The following TMC6 variants were observed in gnomAD, a reference collection of about 807,000 sequenced individuals.
TMC6 encodes the protein transmembrane channel-like protein 6.
In TMC6, 71 loss-of-function variants were observed where a neutral mutation model predicts 95.4. The observed-to-expected ratio is 0.74, with a 90% CI of 0.61 to 0.91. The LOEUF (loss-of-function observed/expected upper bound fraction) is 0.91, where lower values mean the gene tolerates loss of function less well. TMC6 is among the 40% of genes least tolerant of loss of function. The probability of loss-of-function intolerance (pLI) is 0.00; values close to 1 mark genes in which losing one functional copy is unlikely to be tolerated. For synonymous variants in TMC6, 514 were observed against 483.1 expected, an observed-to-expected ratio of 1.06 and a Z score of -0.84; for missense variants, 1,074 against 1,079.1, an observed-to-expected ratio of 1.00 and a Z score of 0.07.
At chr17:78,123,174 C>T in intron 9 of TMC6, 1 of 334,724 alleles carries the variant, frequency 3.0e-6, no homozygotes, top group Non-Finnish European at 5.8e-6. Flanking sequence ...CTGACTCCTT[C>T]CCCAGTGCTC....
chr17:78,121,848 C>T lies in TMC6; in HGVS notation c.1228-137G>A. The T allele has an allele frequency of 8.7e-7, 1 of 1,144,924 alleles. No individual in the cohort carries two copies. The highest frequency in any genetic ancestry group is 1.2e-6 in the Non-Finnish European group (1 of 827,020). 70.9% of individuals were successfully genotyped at this position (1,144,924 alleles called of 1,614,324 possible). On this transcript the variant is annotated intron_variant, in intron 10 of 19. Transcript: ENST00000590602. This position sits in a 1 kb window ranked among gnomAD's most constrained non-coding sequence, Gnocchi z 5.6. The stretch of plus-strand genomic sequence containing the variant: ...CAGGACAGAGGGCCAGTTCCCCATG[C>T]CCCACCTGCCCTTTCATCTGCTGAG...
Position 78,121,227 on chromosome 17 carries a change from C to T in TMC6, c.1384-63G>A, listed in dbSNP as rs899236243. The T allele has an allele frequency of 9.1e-6, 14 of 1,543,270 alleles. No homozygotes were observed. Among genetic ancestry groups the T allele is most frequent in the African/African-American group, 6.8e-5 (5 of 73,018 alleles). ...CATCCATGGTGGGAGCGGGCAGCTACAGGGAAGGGCCCGGGGTGGAACTGG... is the reference window on the plus strand; with the variant it reads ...CATCCATGGTGGGAGCGGGCAGCTATAGGGAAGGGCCCGGGGTGGAACTGG... On this transcript the variant is annotated intron_variant, in intron 11 of 19. Coordinates refer to ENST00000590602, the MANE Select transcript of TMC6 (RefSeq NM_001127198.5). The surrounding 1 kb of genome is among the most constrained non-coding windows in gnomAD (Gnocchi z 5.6).
rs1208770024 is a variant in TMC6, at chr17:78,124,920, C to G, written c.602G>C (p.Cys201Ser). The stretch of plus-strand genomic sequence containing the variant: ...GCAGGCATATCTGAGCCGGCCACAG[C>G]AGGAGCAGACCCCGCCGCTGCCCGG... ...GQPGSGGVCS[C>S]CGRLRYACVL... The change falls in exon 7 of 20, where the codon TGC becomes TCC. Residue 201 changes from cysteine to serine, a missense_variant. Physicochemically the swap from Cys to Ser is moderately radical, Grantham distance 112. Transcript: ENST00000590602. 6.3e-7 allele frequency: 1 copy of G among 1,598,598 alleles called. No individual in the cohort carries two copies.
At chr17:78,115,658 G>T (rs2074049366) in intron 18 of TMC6, among the ~76,000 whole-genome samples, 1 of 145,596 alleles carries the variant, frequency 6.9e-6, no homozygotes, top group Non-Finnish European at 1.5e-5. Flanking sequence ...AGTGGGCACA[G>T]GGGCGAAGGG....
Position 78,109,654 on chromosome 17 carries a change from G to GC in TMC6, c.*3493dup, listed in dbSNP as rs1567975775. 1 of 428,726 alleles carries GC rather than the reference G, an allele frequency of 2.3e-6. No homozygotes were observed. The allele number at this position is 428,726 out of a possible 1,614,324, so 26.6% of individuals were successfully genotyped here. On this transcript the variant is annotated 3_prime_UTR_variant, in exon 20 of 20. Transcript: ENST00000590602. Reference sequence around the variant, plus strand: ...AAAAAAGCAGAAGCACATTTCCGAAGCCCCCCAAGCCCACGGGCGTGAGTG... The same window carrying GC: ...AAAAAAGCAGAAGCACATTTCCGAAGCCCCCCCAAGCCCACGGGCGTGAGTG...
rs2074834477 is a variant in TMC6 at position 78,128,210 on chromosome 17, G to A, written c.-75+402C>T. Among the ~76,000 whole-genome samples the A allele has an allele frequency of 6.6e-6, 1 of 152,090 alleles. No individual in the cohort carries two copies. The highest frequency in any genetic ancestry group is 2.4e-5 in the African/African-American group (1 of 41,418). On this transcript the variant is annotated intron_variant, in intron 1 of 19. Transcript: ENST00000590602. This position sits in a 1 kb window ranked among gnomAD's most constrained non-coding sequence, Gnocchi z 4.0. ...CCCCAGCCGGCAGCGAGCTTCCCGG[G>A]AGCAGCCGCTACCCAGGGAGAACCG...
chr17:78,117,167 C>A, intron 18 of TMC6, 102 bp downstream of exon 18: 1 of 1,295,394 alleles, frequency 7.7e-7, no homozygotes, highest in Non-Finnish European at 1.1e-6. Context: ...ACCCTTTCAC[C>A]AGCCAAGGCC....
chr17:78,119,473 C>T, intron 13 of TMC6, 81 bp from the exon 14 acceptor site: 1 of 1,406,176 alleles, frequency 7.1e-7, no homozygotes, highest in Non-Finnish European at 1.0e-6. Context: ...CCAGAGGCAC[C>T]CCGCCCCCAG....
At chr17:78,132,384 C>T, upstream of TMC6, 1 of 1,613,156 alleles carries the variant, frequency 6.2e-7, no homozygotes, top group Non-Finnish European at 8.5e-7. Context: ...GAATTCGGTC[C>T]TACTTCACCT....
chr17:78,111,918 G>T lies in TMC6; in HGVS notation c.*1230C>A, dbSNP rs777517709. 5 of 232,542 alleles carry T rather than the reference G, an allele frequency of 2.2e-5. No homozygotes were observed. The highest frequency in any genetic ancestry group is 3.4e-5 in the Non-Finnish European group (4 of 116,820). The allele number at this position is 232,542 out of a possible 1,614,324, so 14.4% of individuals were successfully genotyped here. On this transcript the variant is annotated 3_prime_UTR_variant, in exon 20 of 20. Transcript: ENST00000590602. Reference sequence around the variant, plus strand: ...TGACGGGCTGGTCCCCACAGACCTGGAGCACTGGGGTCATGACGGGCTGGT... The same window carrying T: ...TGACGGGCTGGTCCCCACAGACCTGTAGCACTGGGGTCATGACGGGCTGGT...
chr17:78,125,250 G>A lies in TMC6; in HGVS notation c.444C>T (p.Leu148=). Residue 148 remains leucine (L), a synonymous_variant, in exon 6 of 20, where the codon CTC becomes CTT. Coordinates refer to ENST00000590602, the MANE Select transcript of TMC6 (RefSeq NM_001127198.5). ...CCAGGCTCTGGAGCTCCTTCACCAGGAGGCTCTGCTTCTCTGCGAGAGGGA... is the reference window on the plus strand; with the variant it reads ...CCAGGCTCTGGAGCTCCTTCACCAGAAGGCTCTGCTTCTCTGCGAGAGGGA... ...TALEEEEKQS[L]LVKELQSLAV... is the part of the protein sequence containing the mutation. The A allele has an allele frequency of 6.3e-7, 1 of 1,576,856 alleles. No individual in the cohort carries two copies. Among genetic ancestry groups the A allele is most frequent in the African/African-American group, 1.3e-5 (1 of 74,470 alleles).
Position 78,113,733 on chromosome 17 carries a change from C to G in TMC6, c.2278-109G>C, listed in dbSNP as rs951602183. 4.5e-6 allele frequency: 5 copies of G among 1,121,216 alleles called. No individual in the cohort carries two copies. The Admixed American group carries it at 5.2e-5, about 12-fold the overall frequency. 69.5% of individuals were successfully genotyped at this position (1,121,216 alleles called of 1,614,324 possible). On this transcript the variant is annotated intron_variant, in intron 18 of 19. Coordinates refer to ENST00000590602, the MANE Select transcript of TMC6 (RefSeq NM_001127198.5). ...AAAACTCACGAGGTGTATTCAACATCGCAAGCAGCAAAAACATAAAAGAAA... is the reference window on the plus strand; with the variant it reads ...AAAACTCACGAGGTGTATTCAACATGGCAAGCAGCAAAAACATAAAAGAAA...
At chr17:78,126,729 G>A (rs748794435) in intron 2 of TMC6, 48 bp downstream of exon 2, 1 of 1,610,942 alleles carries the variant, frequency 6.2e-7, no homozygotes, top group African/African-American at 1.3e-5. Flanking sequence ...ACCTCTCCGT[G>A]GGGGGTGGAA....
At chr17:78,123,501 G>A (rs1482998338) in intron 9 of TMC6, among the ~76,000 whole-genome samples, 1 of 151,640 alleles carries the variant, frequency 6.6e-6, no homozygotes, top group African/African-American at 2.4e-5. Flanking sequence ...GTGGATGGGT[G>A]GGTTAAACTG....
In TMC6 at chr17:78,125,158, C is replaced by T. The variant is rs1189282922; in HGVS notation, c.536G>A (p.Arg179Gln). The T allele has an allele frequency of 1.2e-5, 19 of 1,560,728 alleles. No individual in the cohort carries two copies. The highest frequency in any genetic ancestry group is 1.9e-5 in the Admixed American group (1 of 52,064). The stretch of plus-strand genomic sequence containing the variant: ...CATGGTCAGGGTCGGGGCTGCTCAC[C>T]GCAGGCTGCGTTTCTCAGCCAGGCT... ...PLSLAEKRSLREKSRTPRGKW... is the reference protein window; with the variant it reads ...PLSLAEKRSLQEKSRTPRGKW... The change falls in exon 6 of 20, where the codon CGA (arginine) becomes CAA (glutamine). Residue 179 changes from arginine (R) to glutamine (Q), a missense_variant and splice_region_variant. Physicochemically the swap from Arg to Gln is conservative, Grantham distance 43 (BLOSUM62 1). Coordinates refer to ENST00000590602, the MANE Select transcript of TMC6 (RefSeq NM_001127198.5).
Position 78,109,603 on chromosome 17 carries a change from G to C in TMC6, c.*3545C>G, listed in dbSNP as rs1472245634. ...CTGTGATCGTGCCACTGTGCTCCGG[G>C]ATGGGCAACAGAAAGACCCCATCTC... On this transcript the variant is annotated 3_prime_UTR_variant, in exon 20 of 20. Coordinates refer to ENST00000590602, the MANE Select transcript of TMC6 (RefSeq NM_001127198.5). 1 of 454,624 alleles carries C rather than the reference G, an allele frequency of 2.2e-6. No homozygotes were observed. The highest frequency in any genetic ancestry group is 4.4e-6 in the Non-Finnish European group (1 of 226,026). 28.2% of individuals were successfully genotyped at this position (454,624 alleles called of 1,614,324 possible). A position where few individuals can be genotyped will look rare whatever the true frequency, so the allele number is the denominator to read the frequency against.
Position 78,122,357 on chromosome 17 carries a change from C to T in TMC6, c.1227+248G>A, listed in dbSNP as rs139216865. On this transcript the variant is annotated intron_variant, in intron 10 of 19. Transcript: ENST00000590602. The surrounding 1 kb of genome is among the most constrained non-coding windows in gnomAD (Gnocchi z 4.9). Reference sequence around the variant, plus strand: ...GGCTGGCTCCCGGGTGCCCACGGGGCCATGGCGCTACTACGCGCTAGCAGA... The same window carrying T: ...GGCTGGCTCCCGGGTGCCCACGGGGTCATGGCGCTACTACGCGCTAGCAGA... Among the ~76,000 whole-genome samples, 600 of 152,052 alleles carry T rather than the reference C, an allele frequency of 3.9e-3. 2 individuals are homozygous for T. The highest frequency in any genetic ancestry group is 0.011 in the South Asian group (55 of 4,810).
rs770819421 is a variant in TMC6, at chr17:78,117,539, G to A, written c.2127C>T (p.Ser709=). 1.0e-5 allele frequency: 16 copies of A among 1,601,542 alleles called. No homozygotes were observed. The East Asian group carries it at 3.6e-4, about 36-fold the overall frequency. ...GGTACCGGTGCACCCAGGGCAGCCA[G>A]GAGACCCTGGGGCCTGCCGCCTCCA... is the stretch of plus-strand genomic sequence containing the variant. ...RHLEAAGPRV[S]WLPWVHRYLM... is the part of the protein sequence containing the mutation. Residue 709 remains serine, a synonymous_variant, in exon 17 of 20, where the codon TCC becomes TCT. Coordinates refer to ENST00000590602, the MANE Select transcript of TMC6 (RefSeq NM_001127198.5).
Position 78,124,937 on chromosome 17 carries a change from G to T in TMC6, c.585C>A (p.Ser195Arg), listed in dbSNP as rs750496364. ...PRGKWRGQPG[S>R]GGVCSCCGRL... ...GGCCACAGCAGGAGCAGACCCCGCC[G>T]CTGCCCGGCTGGCCCCTCCACTTCC... The change falls in exon 7 of 20, where the codon AGC becomes AGA. Residue 195 changes from serine to arginine, a missense_variant. Physicochemically the swap from Ser to Arg is moderately radical, Grantham distance 110. Coordinates refer to ENST00000590602, the MANE Select transcript of TMC6 (RefSeq NM_001127198.5). The T allele has an allele frequency of 6.2e-7, 1 of 1,601,144 alleles. No individual in the cohort carries two copies. The highest frequency in any genetic ancestry group is 2.2e-5 in the East Asian group (1 of 44,582).
Sources: gnomAD v4.1 joint callset for allele counts (sites outside exome capture counted in the v4.1 genomes callset) on GRCh38, gnomAD v4.1.1 for gene constraint, Gnocchi (gnomAD v3.1) non-coding constraint, MANE v1.5 for transcripts, NCBI Gene and HGNC (gene_info 2026-07-23, HGNC 2026-07-21) for gene names.